The following HTR3D variants were observed in gnomAD, a reference collection of about 807,000 sequenced individuals.
HTR3D encodes the protein 5-hydroxytryptamine (serotonin) receptor 3 family member D.
HTR3D carries 47 observed loss-of-function variants against 45.8 expected under a neutral mutation model. That is an observed-to-expected ratio of 1.03 (90% confidence interval 0.81 to 1.31). The LOEUF (loss-of-function observed/expected upper bound fraction) is 1.31. HTR3D is among the 50% of genes most tolerant of loss of function. The pLI is 0.00. For missense variants in HTR3D, 448 were observed against 506.9 expected (o/e 0.88, Z 1.12); for synonymous variants, 203 against 199.8 (o/e 1.02, Z -0.13).
intron 1 of HTR3D, 125 bp downstream of exon 1, chr3:184,031,932 C>T (rs1006218644): frequency 1.5e-5 from 10 of 662,184 alleles, no homozygotes; most frequent in South Asian, 3.4e-5. Flanking sequence ...AAATGATGCT[C>T]GTGACACTGA....
At chr3:184,036,345 C>T in intron 3 of HTR3D, 30 bp from the exon 4 acceptor site, 1 of 1,610,718 alleles carries the variant, frequency 6.2e-7, no homozygotes, top group Non-Finnish European at 8.5e-7. Context: ...ACAGCACCTA[C>T]CTCCCTGTCC....
intron 1 of HTR3D, among the ~76,000 whole-genome samples, chr3:184,032,125 C>A (rs1722767607): frequency 6.6e-6 from 1 of 151,808 alleles, no homozygotes; most frequent in Non-Finnish European, 1.5e-5. Context: ...TCCCAAGTAG[C>A]TGGGATTACA....
At chr3:184,035,905 C>T (rs968809329) in intron 2 of HTR3D, 110 bp from the exon 3 acceptor site, 65 of 1,061,544 alleles carry the variant, frequency 6.1e-5, no homozygotes, top group Non-Finnish European at 7.6e-5. Context: ...GTTAGCTAGG[C>T]TGGTCCTGAA....
Position 184,036,321 on chromosome 3 carries a change from T to G in HTR3D, c.198-54T>G, listed in dbSNP as rs185531632. The G allele has an allele frequency of 3.3e-5, 52 of 1,598,450 alleles. No individual in the cohort carries two copies. The Admixed American group carries it at 7.2e-4, about 22-fold the overall frequency. On this transcript the variant is annotated intron_variant, in intron 3 of 7. Coordinates refer to ENST00000428798, the MANE Select transcript of HTR3D (RefSeq NM_001145143.1). ...CCTGACAGAGAAAGAAGGCCAAGTC[T>G]GATGGGGAAACCCACAGCACCTACC...
At chr3:184,031,839 A>C (rs1375914209) in intron 1 of HTR3D, 32 bp downstream of exon 1, 4 of 1,465,086 alleles carry the variant, frequency 2.7e-6, no homozygotes, top group Non-Finnish European at 3.7e-6. Context: ...AGCTGAGCAG[A>C]CATGTAACTC....
chr3:184,037,971 A>T, intron 5 of HTR3D, 50 bp from the exon 6 acceptor site: 1 of 1,594,760 alleles, frequency 6.3e-7, no homozygotes, highest in Non-Finnish European at 8.5e-7. Flanking sequence ...ACCTGTCTTG[A>T]CAGCCTCCCA....
intron 1 of HTR3D, 57 bp downstream of exon 1, chr3:184,031,864 A>G: frequency 8.1e-7 from 1 of 1,231,330 alleles, no homozygotes; most frequent in South Asian, 1.3e-5. Context: ...GAAGCAGAGA[A>G]AACAGGCTAA....
At chr3:184,037,587 A>G (rs1197271578) in intron 5 of HTR3D, among the ~76,000 whole-genome samples, 2 of 152,202 alleles carry the variant, frequency 1.3e-5, no homozygotes, top group African/African-American at 4.8e-5. Flanking sequence ...GATGATTCCA[A>G]ATCCTGATAA....
At chr3:184,033,122 T>C in intron 1 of HTR3D, 1 of 996,878 alleles carries the variant, frequency 1.0e-6, no homozygotes, top group South Asian at 2.2e-5. Flanking sequence ...TGACTGGATT[T>C]TTTTTTTTTT....
In HTR3D at chr3:184,039,147, G is replaced by A. The variant is rs1014281227; in HGVS notation, c.*172G>A. On this transcript the variant is annotated 3_prime_UTR_variant, in exon 8 of 8. Transcript: ENST00000428798. ...AGTCTCCTATGCCCTCCAAAAGTCG[G>A]GTCCTTGCTCCTGCATGCCATCAGC... 1.6e-5 allele frequency: 11 copies of A among 690,958 alleles called. No individual in the cohort carries two copies. Among genetic ancestry groups the A allele is most frequent in the Non-Finnish European group, 2.4e-6 (1 of 421,878 alleles). 42.8% of individuals were successfully genotyped at this position (690,958 alleles called of 1,614,324 possible).
chr3:184,037,043 T>C, intron 5 of HTR3D, 147 bp downstream of exon 5: 1 of 726,536 alleles, frequency 1.4e-6, no homozygotes, highest in Non-Finnish European at 2.2e-6. Flanking sequence ...CACTCTTTTT[T>C]TTTTTTTAAA....
chr3:184,039,212 T>G lies in HTR3D; in HGVS notation c.*237T>G, dbSNP rs1723011897. 1.2e-5 allele frequency: 6 copies of G among 516,778 alleles called. No individual in the cohort carries two copies. 32.0% of individuals were successfully genotyped at this position (516,778 alleles called of 1,614,324 possible). A position where few individuals can be genotyped will look rare whatever the true frequency, so the allele number is the denominator to read the frequency against. Reference sequence around the variant, plus strand: ...CCATACCTCCCTGGCTCCTCAGGATTCAGGTTCCTAGGGTACGTCCTTGAT... The same window carrying G: ...CCATACCTCCCTGGCTCCTCAGGATGCAGGTTCCTAGGGTACGTCCTTGAT... On this transcript the variant is annotated 3_prime_UTR_variant, in exon 8 of 8. Transcript: ENST00000428798.
intron 1 of HTR3D, 137 bp downstream of exon 1, chr3:184,031,944 G>A (rs1380837702): frequency 6.4e-6 from 4 of 623,316 alleles, no homozygotes; most frequent in Admixed American, 5.3e-5. Flanking sequence ...TGACACTGAT[G>A]GCTTTGTACC....
intron 1 of HTR3D, chr3:184,032,766 C>G: frequency 8.3e-7 from 1 of 1,202,348 alleles, no homozygotes; most frequent in Non-Finnish European, 1.2e-6. Flanking sequence ...CCAGCTCAGC[C>G]TACTCTTCCT....
intron 5 of HTR3D, among the ~76,000 whole-genome samples, chr3:184,037,180 C>T (rs954253732): frequency 3.3e-5 from 5 of 152,046 alleles, no homozygotes; most frequent in Non-Finnish European, 5.9e-5. Flanking sequence ...GCTGGGATTA[C>T]AAGGGCCCGC....
chr3:184,036,698 A>G, intron 4 of HTR3D, 50 bp from the exon 5 acceptor site: 1 of 1,555,014 alleles, frequency 6.4e-7, no homozygotes, highest in Non-Finnish European at 8.7e-7. Context: ...ACTTGGGCGC[A>G]TTTGGGGAGG....
rs1383525770 is a variant in HTR3D, at chr3:184,038,956, T to C, written c.1196T>C (p.Ile399Thr). The change falls in exon 8 of 8, where the codon ATA (isoleucine) becomes ACA (threonine). Residue 399 changes from isoleucine to threonine, a missense_variant. Physicochemically the swap from Ile to Thr is moderately conservative, Grantham distance 89. Transcript: ENST00000428798. The surrounding 1 kb of genome is among the most constrained non-coding windows in gnomAD (Gnocchi z 4.5). ...ATGGCCTCCTCCATCATCACCGTCA[T>C]ATGCCTCTGGAACACCTAGGCAGGT... ...LFMASSIITV[I>T]CLWNT is the part of the protein sequence containing the mutation. The C allele has an allele frequency of 7.4e-6, 12 of 1,614,150 alleles. No homozygotes were observed. Among genetic ancestry groups the C allele is most frequent in the African/African-American group, 6.7e-5 (5 of 75,040 alleles).
In HTR3D at chr3:184,036,621, G is replaced by A; in HGVS notation, c.367+77G>A. 6.3e-6 allele frequency: 10 copies of A among 1,597,190 alleles called. No homozygotes were observed. In the South Asian group the frequency reaches 1.1e-4, roughly 18 times the overall value. ...AGAAGAGGACAGAAAGCTGGGAACA[G>A]TGAGGGAATCTTGCTGAAAAGGGCC... On this transcript the variant is annotated intron_variant, in intron 4 of 7. Transcript: ENST00000428798.
At chr3:184,033,616 G>T (rs1013282183) in intron 1 of HTR3D, among the ~76,000 whole-genome samples, 2 of 151,908 alleles carry the variant, frequency 1.3e-5, no homozygotes, top group Non-Finnish European at 2.9e-5. Flanking sequence ...AGGATGGCTA[G>T]TATTAAAAAA....
Sources: allele counts gnomAD v4.1 joint callset (sites outside exome capture counted in the v4.1 genomes callset), GRCh38; gene constraint gnomAD v4.1.1; non-coding constraint Gnocchi (gnomAD v3.1); transcripts MANE v1.5; gene names NCBI Gene and HGNC (gene_info 2026-07-23, HGNC 2026-07-21).